Variants in ADCY8 observed in about 807,000 individuals in gnomAD.
The protein encoded by ADCY8 is adenylate cyclase 8, also known as adenylate cyclase type 8.
ADCY8 carries 51 observed loss-of-function variants against 119.7 expected under a neutral mutation model. The observed-to-expected ratio is 0.43, with a 90% CI of 0.34 to 0.54. The LOEUF (loss-of-function observed/expected upper bound fraction) is 0.54, where lower values mean the gene tolerates loss of function less well. ADCY8 is among the 20% of genes least tolerant of loss of function. The pLI, the probability that ADCY8 is intolerant of heterozygous loss-of-function variation, is 0.03. For synonymous variants in ADCY8, 665 were observed against 651.0 expected (o/e 1.02, Z -0.33); for missense variants, 1,383 against 1,598.8 (o/e 0.87, Z 2.30).
At chr8:130,966,506 C>T (rs539418294) in intron 2 of ADCY8, among the ~76,000 whole-genome samples, 36 of 152,236 alleles carry the variant, frequency 2.4e-4, no homozygotes, top group African/African-American at 7.0e-4. Context: ...AATAAGGCTG[C>T]CAATGCATGT....
intron 3 of ADCY8, among the ~76,000 whole-genome samples, chr8:130,950,879 TGGTAGAGATGG>T (rs1270732120): frequency 6.6e-6 from 1 of 152,158 alleles, no homozygotes; most frequent in Admixed American, 6.5e-5. Flanking sequence ...TTTGTATTTT[TGGTAGAGATGG>T]GGTTTCACCT....
intron 1 of ADCY8, among the ~76,000 whole-genome samples, chr8:130,996,597 G>C (rs527416364): frequency 6.6e-6 from 1 of 151,812 alleles, no homozygotes; most frequent in African/African-American, 2.4e-5. Flanking sequence ...TAAAGGGAAA[G>C]AAAATTTTCC....
intron 9 of ADCY8, among the ~76,000 whole-genome samples, chr8:130,863,640 C>T (rs9942751): frequency 8.6e-5 from 13 of 151,728 alleles, no homozygotes; most frequent in African/African-American, 3.1e-4. Context: ...TCTTTAAAAA[C>T]GTTTTTTTAG....
intron 1 of ADCY8, among the ~76,000 whole-genome samples, chr8:131,000,577 C>T (rs192350855): frequency 1.1e-4 from 16 of 152,116 alleles, no homozygotes; most frequent in South Asian, 8.3e-4. Context: ...CTGTAGATGC[C>T]GGAACTGAAG....
At chr8:131,022,228 C>G (rs2130797296) in intron 1 of ADCY8, among the ~76,000 whole-genome samples, 1 of 152,274 alleles carries the variant, frequency 6.6e-6, no homozygotes, top group South Asian at 2.1e-4. Flanking sequence ...CACCCATCAA[C>G]CCGTCATCTA....
At chr8:131,006,942 CA>C (rs1823137988) in intron 1 of ADCY8, among the ~76,000 whole-genome samples, 1 of 152,012 alleles carries the variant, frequency 6.6e-6, no homozygotes, top group African/African-American at 2.4e-5. Context: ...GACTTATCTG[CA>C]ATGGATGTAT....
intron 1 of ADCY8, among the ~76,000 whole-genome samples, chr8:130,995,377 G>A (rs895340912): frequency 6.6e-6 from 1 of 152,060 alleles, no homozygotes; most frequent in Non-Finnish European, 1.5e-5. Context: ...GGTAATGCTG[G>A]GGACAGAAAC....
At chr8:130,932,450 T>A (rs1233530533) in intron 5 of ADCY8, among the ~76,000 whole-genome samples, 2 of 152,152 alleles carry the variant, frequency 1.3e-5, no homozygotes, top group Non-Finnish European at 2.9e-5. Context: ...AGGCCCAGTG[T>A]TGGGGTCCAA....
chr8:131,023,428 G>A (rs1003220964), intron 1 of ADCY8, among the ~76,000 whole-genome samples: 1 of 152,166 alleles, frequency 6.6e-6, no homozygotes, highest in African/African-American at 2.4e-5. Flanking sequence ...TTTGGTGGAA[G>A]CTTGGCAGTG....
intron 1 of ADCY8, among the ~76,000 whole-genome samples, chr8:131,037,055 A>G (rs1197493914): frequency 1.3e-5 from 2 of 152,208 alleles, no homozygotes; most frequent in Admixed American, 1.3e-4. Context: ...TACTTCGTCC[A>G]TCTGCGCGAT....
chr8:130,931,368 T>C (rs1820625308), intron 5 of ADCY8, among the ~76,000 whole-genome samples: 1 of 152,204 alleles, frequency 6.6e-6, no homozygotes, highest in Non-Finnish European at 1.5e-5. Context: ...GCTTTCAGGA[T>C]CTTCTTTTTG....
chr8:130,880,053 T>G (rs1429955026), intron 8 of ADCY8, among the ~76,000 whole-genome samples: 1 of 152,168 alleles, frequency 6.6e-6, no homozygotes, highest in Non-Finnish European at 1.5e-5. Context: ...AGCTCTCTCT[T>G]TGCCTGCTGC....
Position 130,836,378 on chromosome 8 carries a change from C to T in ADCY8, c.2574G>A (p.Lys858=). ...CAATCATGATCAGCAGCACTGCCAG[C>T]TTCAGGACGGAGTTCAGCCGGAGGA... ...AVFLRLNSVL[K]LAVLLIMIAI... The change falls in exon 12 of 18, where the codon AAG becomes AAA. Residue 858 remains lysine, a synonymous_variant. Coordinates refer to ENST00000286355, the MANE Select transcript of ADCY8 (RefSeq NM_001115.3). The T allele has an allele frequency of 6.2e-7, 1 of 1,614,004 alleles. No individual in the cohort carries two copies. Among genetic ancestry groups the T allele is most frequent in the South Asian group, 1.1e-5 (1 of 91,078 alleles).
intron 12 of ADCY8, among the ~76,000 whole-genome samples, chr8:130,822,428 G>C (rs893899778): frequency 6.6e-6 from 1 of 152,184 alleles, no homozygotes; most frequent in African/African-American, 2.4e-5. Flanking sequence ...TCCACTGTGA[G>C]TGCTAAAGTG....
At chr8:131,031,518 C>T (rs1823995867) in intron 1 of ADCY8, among the ~76,000 whole-genome samples, 1 of 152,136 alleles carries the variant, frequency 6.6e-6, no homozygotes, top group African/African-American at 2.4e-5. Context: ...GAATATGCCC[C>T]TCATAAAGCA....
At chr8:130,873,118 A>G (rs1160836600) in intron 8 of ADCY8, among the ~76,000 whole-genome samples, 1 of 152,204 alleles carries the variant, frequency 6.6e-6, no homozygotes, top group African/African-American at 2.4e-5. Flanking sequence ...CAGAGCTTCC[A>G]GCCTTCCATG....
intron 2 of ADCY8, among the ~76,000 whole-genome samples, chr8:130,974,659 C>T (rs557242348): frequency 1.3e-5 from 2 of 152,204 alleles, no homozygotes; most frequent in South Asian, 4.2e-4. Flanking sequence ...AATAAAAAGG[C>T]CATGAGTATT....
chr8:131,032,805 G>C (rs138646638), intron 1 of ADCY8, among the ~76,000 whole-genome samples: 1 of 152,132 alleles, frequency 6.6e-6, no homozygotes, highest in Non-Finnish European at 1.5e-5. Context: ...TCCTGGGGAA[G>C]TGCAGGGAAG....
intron 1 of ADCY8, among the ~76,000 whole-genome samples, chr8:131,007,021 C>T (rs1220432387): frequency 6.6e-6 from 1 of 151,960 alleles, no homozygotes; most frequent in Non-Finnish European, 1.5e-5. Context: ...GATAAAATCC[C>T]AAATGAAGAT....
Sources: allele counts gnomAD v4.1 joint callset (sites outside exome capture counted in the v4.1 genomes callset), GRCh38; gene constraint gnomAD v4.1.1; transcripts MANE v1.5; gene names NCBI Gene and HGNC (gene_info 2026-07-23, HGNC 2026-07-21).